The following CCDC91 variants were observed in gnomAD, a reference collection of about 807,000 sequenced individuals.
CCDC91 encodes the protein coiled-coil domain-containing protein 91.
Under a neutral mutation model 63.2 loss-of-function variants are expected in CCDC91, and 48 were observed. The observed-to-expected ratio is 0.76, with a 90% CI of 0.60 to 0.97. The LOEUF is 0.97. Ranked by LOEUF, CCDC91 falls within the 50% of genes least tolerant of loss-of-function variation. The probability of loss-of-function intolerance (pLI) is 0.00; values close to 1 mark genes in which losing one functional copy is unlikely to be tolerated. For synonymous variants in CCDC91, 167 were observed against 165.8 expected, an observed-to-expected ratio of 1.01 and a Z score of -0.06; for missense variants, 500 against 494.6, an observed-to-expected ratio of 1.01 and a Z score of -0.10.
chr12:28,502,046 G>A (rs574505210), intron 12 of CCDC91, among the ~76,000 whole-genome samples: 1 of 151,918 alleles, frequency 6.6e-6, no homozygotes, highest in African/African-American at 2.4e-5. Flanking sequence ...TGGGATTGGT[G>A]GTGATATCCC....
chr12:28,320,025 A>G (rs1940321250), intron 6 of CCDC91, among the ~76,000 whole-genome samples: 1 of 151,896 alleles, frequency 6.6e-6, no homozygotes, highest in Non-Finnish European at 1.5e-5. Context: ...GCAAAGTTAG[A>G]CAGTACATGA....
intron 1 of CCDC91, among the ~76,000 whole-genome samples, chr12:28,246,704 T>A (rs1475659281): frequency 6.6e-6 from 1 of 152,080 alleles, no homozygotes; most frequent in Non-Finnish European, 1.5e-5. Flanking sequence ...GTTCTGGTAG[T>A]TTTCAAGAAA....
At chr12:28,275,970 C>A (rs1263225829) in intron 3 of CCDC91, among the ~76,000 whole-genome samples, 1 of 151,996 alleles carries the variant, frequency 6.6e-6, no homozygotes, top group Non-Finnish European at 1.5e-5. Flanking sequence ...TGGGACGTAT[C>A]TCAAAATAAT....
intron 3 of CCDC91, among the ~76,000 whole-genome samples, chr12:28,276,384 C>G (rs1440527990): frequency 6.6e-6 from 1 of 151,930 alleles, no homozygotes; most frequent in Non-Finnish European, 1.5e-5. Context: ...TCTAGAATCT[C>G]CTACAGTAAA....
intron 3 of CCDC91, among the ~76,000 whole-genome samples, chr12:28,296,014 C>G (rs1949543218): frequency 6.6e-6 from 1 of 151,622 alleles, no homozygotes; most frequent in Non-Finnish European, 1.5e-5. Flanking sequence ...GTTTAGACTC[C>G]TTATATCATT....
chr12:28,209,672 C>T (rs1284793501), intron 1 of CCDC91, among the ~76,000 whole-genome samples: 1 of 152,096 alleles, frequency 6.6e-6, no homozygotes, highest in Non-Finnish European at 1.5e-5. Context: ...CTCAAGTGAT[C>T]CACCTGCCTC....
intron 8 of CCDC91, among the ~76,000 whole-genome samples, chr12:28,440,852 A>G (rs1949150079): frequency 6.6e-6 from 1 of 152,010 alleles, no homozygotes; most frequent in Non-Finnish European, 1.5e-5. Context: ...TGAGCTCAGG[A>G]GTTCAAGACC....
At chr12:28,243,987 A>G (rs1945529061) in intron 1 of CCDC91, among the ~76,000 whole-genome samples, 2 of 152,236 alleles carry the variant, frequency 1.3e-5, no homozygotes, top group African/African-American at 4.8e-5. Flanking sequence ...TTACAGATGT[A>G]TTTCACTTTT....
chr12:28,234,610 T>A (rs1944814929), intron 1 of CCDC91, among the ~76,000 whole-genome samples: 1 of 152,160 alleles, frequency 6.6e-6, no homozygotes, highest in African/African-American at 2.4e-5. Context: ...GAGTGCTAGG[T>A]CTTGTCTTAT....
chr12:28,462,052 G>GTT, intron 11 of CCDC91, among the ~76,000 whole-genome samples: 1 of 146,536 alleles, frequency 6.8e-6, no homozygotes, highest in South Asian at 2.2e-4. Context: ...GATGCTGCAA[G>GTT]TTTTTTTTTT....
chr12:28,520,536 A>T (rs1940512096), intron 12 of CCDC91, among the ~76,000 whole-genome samples: 1 of 152,020 alleles, frequency 6.6e-6, no homozygotes, highest in Non-Finnish European at 1.5e-5. Context: ...GTTCACTCTG[A>T]TGGTAGTTTC....
At chr12:28,293,359 C>G (rs1457775181) in intron 3 of CCDC91, among the ~76,000 whole-genome samples, 2 of 152,156 alleles carry the variant, frequency 1.3e-5, no homozygotes, top group East Asian at 3.8e-4. Context: ...TGCTAATATT[C>G]ACATACTGTA....
chr12:28,350,490 G>A (rs1943109457), intron 6 of CCDC91, among the ~76,000 whole-genome samples: 1 of 152,160 alleles, frequency 6.6e-6, no homozygotes, highest in South Asian at 2.1e-4. Flanking sequence ...GGCATACACT[G>A]GACAAAGTAG....
chr12:28,389,327 T>C (rs954965474), intron 7 of CCDC91, among the ~76,000 whole-genome samples: 1 of 152,166 alleles, frequency 6.6e-6, no homozygotes, highest in Non-Finnish European at 1.5e-5. Context: ...CTTATATACC[T>C]ACCTTTGTGG....
intron 6 of CCDC91, among the ~76,000 whole-genome samples, chr12:28,330,277 G>A (rs929622120): frequency 1.3e-5 from 2 of 152,118 alleles, no homozygotes; most frequent in African/African-American, 4.8e-5. Flanking sequence ...TCCAGCACCT[G>A]TTGTTTCCTG....
intron 3 of CCDC91, among the ~76,000 whole-genome samples, chr12:28,285,559 T>A (rs1948861676): frequency 6.6e-6 from 1 of 151,860 alleles, no homozygotes; most frequent in Admixed American, 6.6e-5. Context: ...TAAATCGAGT[T>A]TAATGATATT....
At chr12:28,331,988 CCTT>C (rs1395543962) in intron 6 of CCDC91, among the ~76,000 whole-genome samples, 8 of 152,070 alleles carry the variant, frequency 5.3e-5, no homozygotes, top group Non-Finnish European at 7.4e-5. Flanking sequence ...AATCTTCAAT[CCTT>C]CTTTAAAAGA....
chr12:28,446,012 G>T (rs1395089806), intron 8 of CCDC91, among the ~76,000 whole-genome samples: 1 of 152,114 alleles, frequency 6.6e-6, no homozygotes, highest in Non-Finnish European at 1.5e-5. Context: ...GAACAAAAGA[G>T]AAATCAAAGC....
intron 7 of CCDC91, among the ~76,000 whole-genome samples, chr12:28,389,627 TA>T (rs897747793): frequency 6.6e-6 from 1 of 152,102 alleles, no homozygotes; most frequent in Non-Finnish European, 1.5e-5. Flanking sequence ...TATAATATAC[TA>T]AAAATTGCAG....
Sources: allele counts gnomAD v4.1 joint callset (sites outside exome capture counted in the v4.1 genomes callset), GRCh38; gene constraint gnomAD v4.1.1; transcripts MANE v1.5; gene names NCBI Gene and HGNC (gene_info 2026-07-23, HGNC 2026-07-21).